The following C1QTNF7 variants were observed in gnomAD, a reference collection of about 807,000 sequenced individuals.
C1QTNF7 encodes the protein complement C1q tumor necrosis factor-related protein 7.
C1QTNF7 carries 15 observed loss-of-function variants against 19.6 expected under a neutral mutation model. The ratio of observed to expected loss-of-function variants is 0.76; its 90% CI spans 0.51 to 1.18. The LOEUF is 1.18. Ranked by LOEUF, C1QTNF7 falls within the 50% of genes most tolerant of loss-of-function variation. C1QTNF7 has a pLI of 0.00. For missense variants in C1QTNF7, 324 were observed against 359.7 expected, an observed-to-expected ratio of 0.90 and a Z score of 0.80; for synonymous variants, 142 against 137.5, an observed-to-expected ratio of 1.03 and a Z score of -0.23.
intron 1 of C1QTNF7, among the ~76,000 whole-genome samples, chr4:15,418,236 C>T (rs1008474790): frequency 6.6e-6 from 1 of 152,098 alleles, no homozygotes; most frequent in African/African-American, 2.4e-5. Context: ...CACCTCCCCT[C>T]CCCAGCCCTC....
chr4:15,387,756 C>T (rs1411146690), intron 1 of C1QTNF7, among the ~76,000 whole-genome samples: 1 of 152,114 alleles, frequency 6.6e-6, no homozygotes, highest in East Asian at 1.9e-4. Flanking sequence ...ACAGTAATAT[C>T]TATGCTATAA....
intron 1 of C1QTNF7, among the ~76,000 whole-genome samples, chr4:15,376,923 T>G (rs1386693100): frequency 6.6e-6 from 1 of 152,210 alleles, no homozygotes. Context: ...AATTCCAAGT[T>G]TTGTGCATAT....
chr4:15,424,138 C>A (rs2108928723), upstream of C1QTNF7, among the ~76,000 whole-genome samples: 1 of 152,196 alleles, frequency 6.6e-6, no homozygotes, highest in Middle Eastern at 3.4e-3. Flanking sequence ...GTTACATGAA[C>A]AATTTTATTA....
chr4:15,391,338 T>G (rs1284908697), intron 1 of C1QTNF7, among the ~76,000 whole-genome samples: 1 of 151,924 alleles, frequency 6.6e-6, no homozygotes, highest in Non-Finnish European at 1.5e-5. Context: ...TCACCTGCCC[T>G]CCCATGAATT....
At chr4:15,418,628 C>T (rs144874364) in intron 1 of C1QTNF7, among the ~76,000 whole-genome samples, 1 of 152,296 alleles carries the variant, frequency 6.6e-6, no homozygotes, top group East Asian at 1.9e-4. Flanking sequence ...ATCTCTTTCA[C>T]CAACCCCTCT....
chr4:15,340,922 G>A (rs1716514926), intron 1 of C1QTNF7, among the ~76,000 whole-genome samples: 1 of 152,166 alleles, frequency 6.6e-6, no homozygotes, highest in South Asian at 2.1e-4. Flanking sequence ...ATATTTTCTT[G>A]TTTTTCTGTG....
chr4:15,364,126 T>G (rs1298495947), intron 1 of C1QTNF7, among the ~76,000 whole-genome samples: 4 of 152,242 alleles, frequency 2.6e-5, no homozygotes, highest in Non-Finnish European at 5.9e-5. Context: ...CACCCCTGAC[T>G]TGTCAGATCC....
intron 1 of C1QTNF7, among the ~76,000 whole-genome samples, chr4:15,371,017 T>G (rs989167376): frequency 6.6e-6 from 1 of 152,248 alleles, no homozygotes; most frequent in Admixed American, 6.5e-5. Context: ...TGAAAATGTC[T>G]TTCCCTGGTA....
chr4:15,392,328 T>C (rs1320975067), intron 1 of C1QTNF7, among the ~76,000 whole-genome samples: 4 of 152,116 alleles, frequency 2.6e-5, no homozygotes, highest in Non-Finnish European at 5.9e-5. Context: ...CCTCATTCAT[T>C]TTCCACCACA....
chr4:15,438,428 C>T (rs1407298458), intron 2 of C1QTNF7, among the ~76,000 whole-genome samples: 3 of 152,164 alleles, frequency 2.0e-5, no homozygotes, highest in Non-Finnish European at 2.9e-5. Flanking sequence ...TTTAATGACA[C>T]TACAAGTGCC....
intron 1 of C1QTNF7, among the ~76,000 whole-genome samples, chr4:15,373,561 C>G (rs1717811409): frequency 6.6e-6 from 1 of 152,188 alleles, no homozygotes; most frequent in South Asian, 2.1e-4. Context: ...GGATCACATA[C>G]CCAGTGAGTC....
At chr4:15,387,775 A>G (rs1347859644) in intron 1 of C1QTNF7, among the ~76,000 whole-genome samples, 1 of 152,230 alleles carries the variant, frequency 6.6e-6, no homozygotes, top group Non-Finnish European at 1.5e-5. Flanking sequence ...AAACAGTAAT[A>G]TATATCACTG....
chr4:15,430,575 T>C (rs935630841), intron 1 of C1QTNF7, among the ~76,000 whole-genome samples: 1 of 152,220 alleles, frequency 6.6e-6, no homozygotes, highest in Non-Finnish European at 1.5e-5. Flanking sequence ...TTTAATTGGA[T>C]TGTGATGTAC....
intron 1 of C1QTNF7, among the ~76,000 whole-genome samples, chr4:15,405,628 G>T (rs1308706044): frequency 2.6e-5 from 4 of 152,168 alleles, no homozygotes; most frequent in African/African-American, 9.7e-5. Context: ...ACCAGCTAAA[G>T]AATTATCACT....
chr4:15,343,083 C>A (rs901151793), intron 1 of C1QTNF7, among the ~76,000 whole-genome samples: 7 of 152,184 alleles, frequency 4.6e-5, no homozygotes, highest in Non-Finnish European at 5.9e-5. Flanking sequence ...GTTAGCTATT[C>A]TTATTAGCTA....
At chr4:15,344,906 A>T (rs1226745470) in intron 1 of C1QTNF7, among the ~76,000 whole-genome samples, 2 of 152,208 alleles carry the variant, frequency 1.3e-5, no homozygotes, top group Non-Finnish European at 2.9e-5. Context: ...CTTTTTCTGC[A>T]GTTTGTGACA....
intron 1 of C1QTNF7, among the ~76,000 whole-genome samples, chr4:15,398,211 C>T (rs1214431513): frequency 6.6e-6 from 1 of 152,112 alleles, no homozygotes; most frequent in South Asian, 2.1e-4. Context: ...TAGGCCATAG[C>T]GATGACAGCA....
chr4:15,414,495 G>A (rs1439127278), intron 1 of C1QTNF7, among the ~76,000 whole-genome samples: 2 of 151,404 alleles, frequency 1.3e-5, no homozygotes, highest in East Asian at 2.0e-4. Context: ...GGCTTTGGGG[G>A]TACAAACACA....
chr4:15,375,052 G>A (rs1441043861), intron 1 of C1QTNF7, among the ~76,000 whole-genome samples: 4 of 151,872 alleles, frequency 2.6e-5, no homozygotes, highest in African/African-American at 9.7e-5. Context: ...CATAGCTATA[G>A]ATCCATACTC....
Sources: allele counts gnomAD v4.1 joint callset (sites outside exome capture counted in the v4.1 genomes callset), GRCh38; gene constraint gnomAD v4.1.1; transcripts MANE v1.5; gene names NCBI Gene and HGNC (gene_info 2026-07-23, HGNC 2026-07-21).